Variants in ESPL1 observed in about 807,000 individuals in gnomAD.
ESPL1 encodes extra spindle pole bodies like 1, separase, also known as separin.
A neutral mutation model predicts 217.2 loss-of-function variants in ESPL1; 50 were observed. The ratio of observed to expected loss-of-function variants is 0.23; its 90% CI spans 0.18 to 0.29. The LOEUF is 0.29. Ranked by LOEUF, ESPL1 falls within the 10% of genes least tolerant of loss-of-function variation. ESPL1 has a pLI of 1.00. For synonymous variants in ESPL1, 994 were observed against 1,081.3 expected (o/e 0.92, Z 1.58); for missense variants, 1,834 against 2,603.0 (o/e 0.70, Z 6.43).
At chr12:53,287,241 T>A (rs989592680) in intron 18 of ESPL1, 2 of 204,984 alleles carry the variant, frequency 9.8e-6, no homozygotes, top group Non-Finnish European at 2.0e-5. Context: ...CCCAGCTAAT[T>A]TTTTGTATTT....
In ESPL1 at chr12:53,271,172, G is replaced by GGTTTTTTTTTTTTTTTT; in HGVS notation, c.1369+374_1369+375insGTTTTTTTTTTTTTTTT. Among the ~76,000 whole-genome samples the GGTTTTTTTTTTTTTTTT allele has an allele frequency of 1.7e-5, 2 of 117,754 alleles. 1 individual carries two copies. Among genetic ancestry groups the GGTTTTTTTTTTTTTTTT allele is most frequent in the Non-Finnish European group, 3.3e-5 (2 of 60,364 alleles). 77.3% of individuals were successfully genotyped at this position (117,754 alleles called of 152,430 possible). A position where few individuals can be genotyped will look rare whatever the true frequency, so the allele number is the denominator to read the frequency against. ...AAATGACCTTTCTGTATATTTAAGTGTTTTTTTTTTTTTTTTTTTGAGACA... is the reference window on the plus strand; with the variant it reads ...AAATGACCTTTCTGTATATTTAAGTGGTTTTTTTTTTTTTTTTTTTTTTTTTTTTTTTTTTTGAGACA... On this transcript the variant is annotated intron_variant, in intron 5 of 30. Transcript: ENST00000257934.
Position 53,288,673 on chromosome 12 carries a change from G to T in ESPL1, c.4682G>T (p.Arg1561Leu). Reference protein sequence around the residue: ...ESDKDLGPRLRLPSAPVATGL... With the variant: ...ESDKDLGPRLLLPSAPVATGL... Reference sequence around the variant, plus strand: ...GACAAGGACCTTGGTCCTCGGCTCCGGCTCCCCTCAGCCCCCGTAGCCACT... The same window carrying T: ...GACAAGGACCTTGGTCCTCGGCTCCTGCTCCCCTCAGCCCCCGTAGCCACT... The change falls in exon 20 of 31, where the codon CGG becomes CTG. Residue 1561 changes from arginine to leucine, a missense_variant. By Grantham distance (102) the Arg-to-Leu change is moderately radical. This residue lies in a region of ESPL1 where 681 missense variants were observed against 808.0 expected (regional missense o/e 0.84). Transcript: ENST00000257934. The T allele has an allele frequency of 6.2e-7, 1 of 1,612,992 alleles. No individual in the cohort carries two copies. Among genetic ancestry groups the T allele is most frequent in the South Asian group, 1.1e-5 (1 of 91,012 alleles).
intron 1 of ESPL1, 112 bp from the exon 2 acceptor site, chr12:53,268,643 C>T: frequency 1.5e-6 from 1 of 647,886 alleles, no homozygotes; most frequent in Non-Finnish European, 2.7e-6. Context: ...GGTTTTCTCC[C>T]CGATGAAATT....
Position 53,290,862 on chromosome 12 carries a change from A to G in ESPL1, c.5386A>G (p.Lys1796Glu). ...RMEVLIASLE[K>E]SVLGCWKGLL... is the part of the protein sequence containing the mutation. ...TCAGGTTCTCATCGCTTCCCTAGAG[A>G]AGTCTGTGCTGGGCTGCTGGAAGGG... Residue 1796 changes from lysine (K) to glutamate (E), a missense_variant, in exon 25 of 31, where the codon AAG (lysine) becomes GAG (glutamate). Coordinates refer to ENST00000257934, the MANE Select transcript of ESPL1 (RefSeq NM_012291.5). The G allele has an allele frequency of 6.2e-7, 1 of 1,610,024 alleles. No individual in the cohort carries two copies. Among genetic ancestry groups the G allele is most frequent in the East Asian group, 2.2e-5 (1 of 44,808 alleles).
chr12:53,281,539 G>A lies in ESPL1; in HGVS notation c.2532G>A (p.Lys844=), dbSNP rs762581188. The change falls in exon 13 of 31, where the codon AAG becomes AAA. Residue 844 remains lysine, a synonymous_variant. Coordinates refer to ENST00000257934, the MANE Select transcript of ESPL1 (RefSeq NM_012291.5). ...TGGAAGAGGCAGCATCGAGCCTGAAGCATCTCGATCAGACTACTGACACAT... is the reference window on the plus strand; with the variant it reads ...TGGAAGAGGCAGCATCGAGCCTGAAACATCTCGATCAGACTACTGACACAT... ...LHLEEAASSL[K]HLDQTTDTYL... is the part of the protein sequence containing the mutation. The A allele has an allele frequency of 4.3e-6, 7 of 1,613,714 alleles. No individual in the cohort carries two copies. The East Asian group carries it at 1.6e-4, about 36-fold the overall frequency.
chr12:53,285,378 T>C (rs1943930293), intron 17 of ESPL1, among the ~76,000 whole-genome samples: 3 of 152,192 alleles, frequency 2.0e-5, no homozygotes, highest in Admixed American at 6.5e-5. Flanking sequence ...CCAGCCTGCT[T>C]TTCTCAGCCA....
Position 53,290,866 on chromosome 12 carries a change from CTG to C in ESPL1, c.5393_5394del (p.Val1798AlafsTer13). On this transcript the variant is annotated frameshift_variant, in exon 25 of 31. Transcript: ENST00000257934. LOFTEE classifies it high-confidence loss of function. ...GTTCTCATCGCTTCCCTAGAGAAGT[CTG>C]TGCTGGGCTGCTGGAAGGGGCTGCT... The C allele has an allele frequency of 6.2e-7, 1 of 1,609,720 alleles. No homozygotes were observed. The highest frequency in any genetic ancestry group is 8.5e-7 in the Non-Finnish European group (1 of 1,178,274).
At position 53,286,333 on chromosome 12, in the gene ESPL1, C is replaced by A. The variant is rs1161374708; in HGVS notation, c.3597C>A (p.Thr1199=). ...KGCPEAAERL[T]QALQASLNHK... ...GTCCTGAAGCCGCTGAGCGCCTCAC[C>A]CAAGCTCTCCAAGCTTCCCTGAATC... Residue 1199 remains threonine (T), a synonymous_variant, in exon 18 of 31, where the codon ACC becomes ACA. Coordinates refer to ENST00000257934, the MANE Select transcript of ESPL1 (RefSeq NM_012291.5). This position sits in a 1 kb window ranked among gnomAD's most constrained non-coding sequence, Gnocchi z 5.3. The A allele has an allele frequency of 6.2e-6, 10 of 1,614,094 alleles. No individual in the cohort carries two copies. The highest frequency in any genetic ancestry group is 2.7e-5 in the African/African-American group (2 of 74,948).
intron 4 of ESPL1, 26 bp from the exon 5 acceptor site, chr12:53,270,652 C>A (rs751448597): frequency 1.9e-5 from 31 of 1,613,880 alleles, no homozygotes; most frequent in Non-Finnish European, 2.5e-5. Flanking sequence ...TGACTCCTCA[C>A]TCTCAAACCC....
In ESPL1 at chr12:53,282,528, C is replaced by T. The variant is rs1943880502; in HGVS notation, c.2791+93C>T. On this transcript the variant is annotated intron_variant, in intron 14 of 30. Coordinates refer to ENST00000257934, the MANE Select transcript of ESPL1 (RefSeq NM_012291.5). The surrounding 1 kb of genome is among the most constrained non-coding windows in gnomAD (Gnocchi z 4.0). The stretch of plus-strand genomic sequence containing the variant: ...AAACCTCATCCCCTCTGCTGGCTAA[C>T]TATGTGGCCCAGCCTACCTAGAACC... 1.7e-6 allele frequency: 2 copies of T among 1,203,926 alleles called. No individual in the cohort carries two copies. Among genetic ancestry groups the T allele is most frequent in the East Asian group, 5.1e-5 (2 of 39,504 alleles). 74.6% of individuals were successfully genotyped at this position (1,203,926 alleles called of 1,614,324 possible).
rs1288821556 is a variant in ESPL1 at position 53,292,439 on chromosome 12, C to A, written c.5912+46C>A. 1 of 1,448,262 alleles carries A rather than the reference C, an allele frequency of 6.9e-7. No homozygotes were observed. The highest frequency in any genetic ancestry group is 1.7e-5 in the Admixed American group (1 of 59,790). The allele number at this position is 1,448,262 out of a possible 1,614,324, so 89.7% of individuals were successfully genotyped here. Reference sequence around the variant, plus strand: ...AAGACGTGTGGGGAAGGGTAGACAACATACAGGGGCAACAAGCCTTTTCTC... The same window carrying A: ...AAGACGTGTGGGGAAGGGTAGACAAAATACAGGGGCAACAAGCCTTTTCTC... On this transcript the variant is annotated intron_variant, in intron 28 of 30. Transcript: ENST00000257934. This position sits in a 1 kb window ranked among gnomAD's most constrained non-coding sequence, Gnocchi z 4.5.
intron 3 of ESPL1, 127 bp from the exon 4 acceptor site, chr12:53,270,250 TG>T: frequency 1.1e-6 from 1 of 926,418 alleles, no homozygotes; most frequent in Non-Finnish European, 1.7e-6. Context: ...GAGAGGGCAG[TG>T]GCCCTTCTGG....
rs769175296 is a variant in ESPL1 at position 53,292,418 on chromosome 12, C to T, written c.5912+25C>T. The stretch of plus-strand genomic sequence containing the variant: ...GGTCAGGGGCGCGAAGACAAGAAGA[C>T]GTGTGGGGAAGGGTAGACAACATAC... On this transcript the variant is annotated intron_variant, in intron 28 of 30. Coordinates refer to ENST00000257934, the MANE Select transcript of ESPL1 (RefSeq NM_012291.5). The surrounding 1 kb of genome is among the most constrained non-coding windows in gnomAD (Gnocchi z 4.5). The T allele has an allele frequency of 9.1e-6, 14 of 1,544,650 alleles. No individual in the cohort carries two copies. The African/African-American group carries it at 1.1e-4, about 12-fold the overall frequency.
intron 24 of ESPL1, 57 bp downstream of exon 24, chr12:53,290,526 G>T: frequency 6.3e-7 from 1 of 1,597,216 alleles, no homozygotes; most frequent in Non-Finnish European, 8.6e-7. Context: ...GGGGGTCCCA[G>T]TGACTTCTCT....
At chr12:53,291,509 T>C (rs1014289621) in intron 25 of ESPL1, among the ~76,000 whole-genome samples, 181 bp from the exon 26 acceptor site, 14 of 152,034 alleles carry the variant, frequency 9.2e-5, no homozygotes, top group East Asian at 7.7e-4. Context: ...GAGAATCGCT[T>C]GAACCTGGGA....
At chr12:53,284,328 A>G (rs1377269778) in intron 17 of ESPL1, among the ~76,000 whole-genome samples, 161 bp downstream of exon 17, 4 of 151,574 alleles carry the variant, frequency 2.6e-5, no homozygotes, top group Non-Finnish European at 5.9e-5. Flanking sequence ...GCTCACTGCA[A>G]CCCCTGCCTC....
chr12:53,283,255 A>T lies in ESPL1; in HGVS notation c.2918A>T (p.Tyr973Phe), dbSNP rs1176346878. 1 of 1,614,194 alleles carries T rather than the reference A, an allele frequency of 6.2e-7. No homozygotes were observed. Among genetic ancestry groups the T allele is most frequent in the East Asian group, 2.2e-5 (1 of 44,880 alleles). The change falls in exon 15 of 31, where the codon TAT becomes TTT. Residue 973 changes from tyrosine to phenylalanine, a missense_variant and splice_region_variant. Physicochemically the swap from Tyr to Phe is conservative, Grantham distance 22 (BLOSUM62 3). Transcript: ENST00000257934. ...KAAVETSFLDYGENLVQKWQV... is the reference protein window; with the variant it reads ...KAAVETSFLDFGENLVQKWQV... ...GCTGTGGAGACATCGTTTTTGGACT[A>T]TGGTGAGTCTGGGGAGGACAGCAGG...
At position 53,286,638 on chromosome 12, in the gene ESPL1, G is replaced by C; in HGVS notation, c.3902G>C (p.Ser1301Thr). 1.9e-6 allele frequency: 3 copies of C among 1,614,086 alleles called. No homozygotes were observed. The highest frequency in any genetic ancestry group is 2.5e-6 in the Non-Finnish European group (3 of 1,180,064). The change falls in exon 18 of 31, where the codon AGT (serine) becomes ACT (threonine). Residue 1301 changes from serine (S) to threonine (T), a missense_variant. Around this residue, in one of 5 missense-constraint regions of ESPL1, gnomAD observed 681 missense variants for 808.0 expected, o/e 0.84. Transcript: ENST00000257934. This position sits in a 1 kb window ranked among gnomAD's most constrained non-coding sequence, Gnocchi z 5.3. ...SWGWQPPLIKSVPGSEPSKTQ... is the reference protein window; with the variant it reads ...SWGWQPPLIKTVPGSEPSKTQ... ...GGCTGGCAGCCACCATTAATAAAAAGTGTCCCTGGCTCAGAGCCCTCTAAG... is the reference window on the plus strand; with the variant it reads ...GGCTGGCAGCCACCATTAATAAAAACTGTCCCTGGCTCAGAGCCCTCTAAG...
chr12:53,283,758 T>G (rs558386267), intron 16 of ESPL1, among the ~76,000 whole-genome samples: 1 of 152,326 alleles, frequency 6.6e-6, no homozygotes, highest in East Asian at 1.9e-4. Context: ...GGATGTGCCT[T>G]GCAAATCTCC....
Sources: gnomAD v4.1 joint callset for allele counts (sites outside exome capture counted in the v4.1 genomes callset) on GRCh38, gnomAD v4.1.1 for gene constraint, gnomAD v4.1.1 regional missense constraint, Gnocchi (gnomAD v3.1) non-coding constraint, MANE v1.5 for transcripts, NCBI Gene and HGNC (gene_info 2026-07-23, HGNC 2026-07-21) for gene names.